The following LRRC7 variants were observed in gnomAD, a reference collection of about 807,000 sequenced individuals.
LRRC7 encodes leucine rich repeat containing 7.
LRRC7 carries 23 observed loss-of-function variants against 175.7 expected under a neutral mutation model. The observed-to-expected ratio is 0.13, with a 90% CI of 0.09 to 0.19. LRRC7 has a LOEUF of 0.19. Ranked by LOEUF, LRRC7 falls within the 10% of genes least tolerant of loss-of-function variation. The pLI is 1.00. For missense variants in LRRC7, 1,354 were observed against 1,904.7 expected (o/e 0.71, Z 5.38); for synonymous variants, 685 against 680.9 (o/e 1.01, Z -0.09).
At chr1:69,842,714 T>C (rs1295533077) in intron 7 of LRRC7, among the ~76,000 whole-genome samples, 2 of 152,134 alleles carry the variant, frequency 1.3e-5, no homozygotes, top group East Asian at 1.9e-4. Context: ...TCTGAAGTAA[T>C]GACAGTATCT....
chr1:69,975,476 C>A (rs927302853), intron 8 of LRRC7, among the ~76,000 whole-genome samples: 1 of 152,218 alleles, frequency 6.6e-6, no homozygotes, highest in East Asian at 1.9e-4. Context: ...TCCTCTCCGA[C>A]CTATGGAAAC....
At chr1:69,865,655 T>C (rs1684867831) in intron 7 of LRRC7, among the ~76,000 whole-genome samples, 1 of 151,542 alleles carries the variant, frequency 6.6e-6, no homozygotes, top group South Asian at 2.1e-4. Flanking sequence ...TAATTTTTTG[T>C]GTTTTTAGTA....
chr1:70,125,767 G>T lies in LRRC7; in HGVS notation c.*3880G>T, dbSNP rs1380758325. Among the ~76,000 whole-genome samples the T allele has an allele frequency of 1.5e-5, 2 of 129,670 alleles. No individual in the cohort carries two copies. The highest frequency in any genetic ancestry group is 8.0e-5 in the Admixed American group (1 of 12,532). 85.1% of individuals were successfully genotyped at this position (129,670 alleles called of 152,430 possible). A position where few individuals can be genotyped will look rare whatever the true frequency, so the allele number is the denominator to read the frequency against. Reference sequence around the variant, plus strand: ...AGATCCCGCCACTGCACTCCAGCCTGGGCGACAGAGCGAGACTCCGTCTCA... The same window carrying T: ...AGATCCCGCCACTGCACTCCAGCCTTGGCGACAGAGCGAGACTCCGTCTCA... On this transcript the variant is annotated 3_prime_UTR_variant, in exon 27 of 27. Transcript: ENST00000651989.
intron 16 of LRRC7, among the ~76,000 whole-genome samples, chr1:70,022,843 C>G (rs1020828921): frequency 1.3e-5 from 2 of 152,110 alleles, no homozygotes; most frequent in African/African-American, 2.4e-5. Flanking sequence ...TAAAAAGGAA[C>G]CATTGACCTA....
intron 7 of LRRC7, among the ~76,000 whole-genome samples, chr1:69,879,234 A>AAAAAAAAAAAAAAAAAAC (rs1686349892): frequency 7.0e-6 from 1 of 142,838 alleles, no homozygotes; most frequent in African/African-American, 2.5e-5. Flanking sequence ...AAAAAAAAAA[A>AAAAAAAAAAAAAAAAAAC]AAGACTGCGC....
intron 1 of LRRC7, among the ~76,000 whole-genome samples, chr1:69,662,292 G>A (rs2100536587): frequency 6.6e-6 from 1 of 152,218 alleles, no homozygotes; most frequent in Middle Eastern, 3.4e-3. Context: ...TTTAATGTTT[G>A]CTGTGGTCAG....
intron 1 of LRRC7, among the ~76,000 whole-genome samples, chr1:69,617,165 C>T (rs548787801): frequency 2.0e-5 from 3 of 152,158 alleles, no homozygotes; most frequent in South Asian, 4.1e-4. Context: ...CTTTTTCAAA[C>T]ATTTGACTCA....
intron 1 of LRRC7, among the ~76,000 whole-genome samples, chr1:69,628,629 GA>G (rs1228852977): frequency 1.3e-5 from 2 of 152,044 alleles, no homozygotes; most frequent in African/African-American, 4.8e-5. Flanking sequence ...AAGTGTTTTT[GA>G]AGTTTATGTG....
chr1:69,935,059 G>A (rs951746752), intron 8 of LRRC7, among the ~76,000 whole-genome samples: 1 of 152,160 alleles, frequency 6.6e-6, no homozygotes, highest in Non-Finnish European at 1.5e-5. Flanking sequence ...GTGAGAAGTA[G>A]TCTATATGTG....
intron 7 of LRRC7, among the ~76,000 whole-genome samples, chr1:69,867,925 TA>T (rs1685114533): frequency 6.6e-6 from 1 of 152,058 alleles, no homozygotes; most frequent in Non-Finnish European, 1.5e-5. Context: ...TCCATAAAAT[TA>T]AATTAAGTAA....
intron 3 of LRRC7, among the ~76,000 whole-genome samples, chr1:69,767,591 G>A (rs773087267): frequency 2.0e-5 from 3 of 152,046 alleles, no homozygotes; most frequent in Non-Finnish European, 4.4e-5. Flanking sequence ...TGAGTATCTG[G>A]AACTACAGGT....
intron 23 of LRRC7, among the ~76,000 whole-genome samples, chr1:70,053,861 A>G (rs1431808738): frequency 6.6e-6 from 1 of 152,210 alleles, no homozygotes; most frequent in Non-Finnish European, 1.5e-5. Flanking sequence ...TACAAGGGGA[A>G]TCAGGTGGGT....
chr1:70,075,930 T>G, intron 23 of LRRC7, 147 bp from the exon 24 acceptor site: 1 of 750,236 alleles, frequency 1.3e-6, no homozygotes, highest in Admixed American at 2.6e-5. Flanking sequence ...AGGCAGACCC[T>G]TACTGTTTCT....
intron 25 of LRRC7, among the ~76,000 whole-genome samples, chr1:70,095,736 T>G (rs659181): frequency 0.61 from 93,318 of 152,022 alleles, 29,007 homozygotes; most frequent in Middle Eastern, 0.68. Context: ...GTAAGGTCAC[T>G]AAAAAGTATC....
chr1:69,864,029 C>T (rs879472489), intron 7 of LRRC7, among the ~76,000 whole-genome samples: 10 of 152,102 alleles, frequency 6.6e-5, no homozygotes, highest in African/African-American at 9.7e-5. Context: ...CTGCCTGATA[C>T]GTCTTTTTCT....
At chr1:69,817,284 C>T (rs1678713243) in intron 4 of LRRC7, among the ~76,000 whole-genome samples, 1 of 151,712 alleles carries the variant, frequency 6.6e-6, no homozygotes, top group South Asian at 2.1e-4. Context: ...ATATATAAGT[C>T]TTTAATCCAT....
chr1:69,571,461 G>T (rs181326163), intron 1 of LRRC7, among the ~76,000 whole-genome samples: 1 of 151,956 alleles, frequency 6.6e-6, no homozygotes, highest in Admixed American at 6.6e-5. Flanking sequence ...AAAAAATCAC[G>T]AAGATATAAA....
At chr1:69,816,129 C>T (rs1412180148) in intron 4 of LRRC7, among the ~76,000 whole-genome samples, 1 of 151,972 alleles carries the variant, frequency 6.6e-6, no homozygotes. Context: ...AGGTGCCCGC[C>T]CTCACACCCA....
intron 2 of LRRC7, among the ~76,000 whole-genome samples, chr1:69,752,475 T>G (rs1167516337): frequency 6.6e-6 from 1 of 152,156 alleles, no homozygotes; most frequent in East Asian, 1.9e-4. Flanking sequence ...TGCATAAGTA[T>G]TGAAAGTTGA....
Sources: allele counts gnomAD v4.1 joint callset (sites outside exome capture counted in the v4.1 genomes callset), GRCh38; gene constraint gnomAD v4.1.1; transcripts MANE v1.5; gene names NCBI Gene and HGNC (gene_info 2026-07-23, HGNC 2026-07-21).